GNL2: variants seen among roughly 807,000 people sequenced by gnomAD.
GNL2 encodes G protein nucleolar 2.
Under a neutral mutation model 92.3 loss-of-function variants are expected in GNL2, and 51 were observed. That is an observed-to-expected ratio of 0.55 (90% CI 0.44 to 0.70). The LOEUF is 0.70. Ranked by LOEUF, GNL2 falls within the 30% of genes least tolerant of loss-of-function variation. The probability of loss-of-function intolerance (pLI) is 0.00; values close to 1 mark genes in which losing one functional copy is unlikely to be tolerated. For synonymous variants in GNL2, 283 were observed against 300.6 expected (o/e 0.94, Z 0.61); for missense variants, 844 against 895.6 (o/e 0.94, Z 0.74).
At chr1:37,578,438 CAA>C (rs776937906) in intron 8 of GNL2, among the ~76,000 whole-genome samples, 146 of 100,872 alleles carry the variant, frequency 1.4e-3, no homozygotes, top group African/African-American at 4.5e-3. Flanking sequence ...GACTCTGTCT[CAA>C]AAAAAAAAAA....
intron 15 of GNL2, among the ~76,000 whole-genome samples, chr1:37,567,371 G>C (rs1643521216): frequency 6.6e-6 from 1 of 152,196 alleles, no homozygotes; most frequent in Admixed American, 6.5e-5. Flanking sequence ...CTTCACAGAA[G>C]TCAGTGATCT....
chr1:37,575,662 A>G lies in GNL2; in HGVS notation c.1076T>C (p.Leu359Pro), dbSNP rs1215786076. 1 of 1,603,152 alleles carries G rather than the reference A, an allele frequency of 6.2e-7. No individual in the cohort carries two copies. Among genetic ancestry groups the G allele is most frequent in the Non-Finnish European group, 8.5e-7 (1 of 1,176,514 alleles). The stretch of plus-strand genomic sequence containing the variant: ...GTAAACCACACCTGGACAGTCAATC[A>G]GGAATATCCGACGCATCAAAGTAAT... ...QYITLMRRIF[L>P]IDCPGVVYPS... is the part of the protein sequence containing the mutation. Residue 359 changes from leucine to proline, a missense_variant, in exon 10 of 16, where the codon CTG becomes CCG. Transcript: ENST00000373062. This position sits in a 1 kb window ranked among gnomAD's most constrained non-coding sequence, Gnocchi z 4.1.
chr1:37,569,441 T>G, intron 12 of GNL2, 139 bp from the exon 13 acceptor site: 8 of 615,086 alleles, frequency 1.3e-5, no homozygotes, highest in Middle Eastern at 4.0e-4. Flanking sequence ...TTGAGTCATT[T>G]CATTAATGTA....
chr1:37,568,811 G>A, intron 13 of GNL2, 40 bp downstream of exon 13: 1 of 1,496,778 alleles, frequency 6.7e-7, no homozygotes, highest in African/African-American at 1.4e-5. Context: ...TTTGGGAAAG[G>A]AATGAAAATC....
rs1256372626 is a variant in GNL2, at chr1:37,582,823, G to T, written c.750C>A (p.Leu250=). The T allele has an allele frequency of 3.1e-6, 5 of 1,613,662 alleles. No homozygotes were observed. The highest frequency in any genetic ancestry group is 3.4e-6 in the Non-Finnish European group (4 of 1,179,812). Residue 250 remains leucine, a synonymous_variant, in exon 7 of 16, where the codon CTC becomes CTA. Coordinates refer to ENST00000373062, the MANE Select transcript of GNL2 (RefSeq NM_013285.3). ...GGTCACATTTGTTAAGTACAAAAAT[G>T]AGGTGTTTCCAAGGTTTTTCCTTCT... is the stretch of plus-strand genomic sequence containing the variant. ...YLKKEKPWKH[L]IFVLNKCDLV...
chr1:37,587,599 G>T, intron 4 of GNL2, 104 bp from the exon 5 acceptor site: 1 of 706,750 alleles, frequency 1.4e-6, no homozygotes, highest in Non-Finnish European at 2.3e-6. Flanking sequence ...ATTTTTCCAA[G>T]GTTCAACCCA....
chr1:37,567,572 G>T, intron 15 of GNL2, 101 bp downstream of exon 15: 1 of 834,180 alleles, frequency 1.2e-6, no homozygotes. Context: ...CGAGGACTGG[G>T]GTTCTTGGGA....
chr1:37,589,606 G>T (rs150076238), intron 4 of GNL2, among the ~76,000 whole-genome samples: 2 of 152,232 alleles, frequency 1.3e-5, no homozygotes, highest in East Asian at 1.9e-4. Flanking sequence ...CGCCCAGCCT[G>T]AACTATTTAA....
chr1:37,593,586 G>C (rs1037028689), intron 2 of GNL2, 176 bp downstream of exon 2: 2 of 537,970 alleles, frequency 3.7e-6, no homozygotes, highest in Non-Finnish European at 6.6e-6. Flanking sequence ...AGCTACCCAT[G>C]TCCTTAACCA....
intron 3 of GNL2, among the ~76,000 whole-genome samples, chr1:37,592,193 T>C (rs1267189951): frequency 1.3e-5 from 2 of 152,146 alleles, no homozygotes; most frequent in African/African-American, 2.4e-5. Flanking sequence ...CAGACTGAAA[T>C]GAGACAGGGA....
Position 37,576,543 on chromosome 1 carries a change from T to C in GNL2, c.923A>G (p.Lys308Arg), listed in dbSNP as rs922937926. 6.2e-7 allele frequency: 1 copy of C among 1,613,980 alleles called. No homozygotes were observed. Among genetic ancestry groups the C allele is most frequent in the Non-Finnish European group, 8.5e-7 (1 of 1,179,832 alleles). Reference sequence around the variant, plus strand: ...AATGAACCCAACACTGATCTGTTTCTTGTCAGTGTGCAACTGTTCAAAGAG... The same window carrying C: ...AATGAACCCAACACTGATCTGTTTCCTGTCAGTGTGCAACTGTTCAAAGAG... ...LRQFGKLHTD[K>R]KQISVGFIGY... The change falls in exon 9 of 16, where the codon AAG (lysine) becomes AGG (arginine). Residue 308 changes from lysine (K) to arginine (R), a missense_variant. Lys to Arg is a conservative substitution (Grantham distance 26, BLOSUM62 2). Coordinates refer to ENST00000373062, the MANE Select transcript of GNL2 (RefSeq NM_013285.3).
intron 1 of GNL2, among the ~76,000 whole-genome samples, chr1:37,595,221 T>C (rs553877581): frequency 1.3e-5 from 2 of 152,384 alleles, no homozygotes; most frequent in African/African-American, 4.8e-5. Flanking sequence ...GTCTTGTTAA[T>C]CGTACAGGTG....
chr1:37,582,347 A>G lies in GNL2; in HGVS notation c.796-11T>C, dbSNP rs547971875. 1 of 1,560,548 alleles carries G rather than the reference A, an allele frequency of 6.4e-7. No individual in the cohort carries two copies. The highest frequency in any genetic ancestry group is 1.1e-5 in the South Asian group (1 of 87,538). On this transcript the variant is annotated splice_polypyrimidine_tract_variant and intron_variant, in intron 7 of 15. Transcript: ENST00000373062. Reference sequence around the variant, plus strand: ...AGCAACCCACCGTTTCTAGAAGGAGAGATGAAAACATTTTGGTAAACTGCA... The same window carrying G: ...AGCAACCCACCGTTTCTAGAAGGAGGGATGAAAACATTTTGGTAAACTGCA...
rs569432971 is a variant in GNL2, at chr1:37,589,094, A to C, written c.385-1599T>G. On this transcript the variant is annotated intron_variant, in intron 4 of 15. Coordinates refer to ENST00000373062, the MANE Select transcript of GNL2 (RefSeq NM_013285.3). ...TGCTTAAAAGATGGCTTTAGGGAGAACAGACAAAGAGAACAAGGGAAATGA... is the reference window on the plus strand; with the variant it reads ...TGCTTAAAAGATGGCTTTAGGGAGACCAGACAAAGAGAACAAGGGAAATGA... Among the ~76,000 whole-genome samples, 43 of 152,342 alleles carry C rather than the reference A, an allele frequency of 2.8e-4. 1 individual carries two copies. Among genetic ancestry groups the C allele is most frequent in the African/African-American group, 1.0e-3 (43 of 41,566 alleles).
At chr1:37,583,665 T>C (rs553063828) in intron 6 of GNL2, among the ~76,000 whole-genome samples, 4 of 152,356 alleles carry the variant, frequency 2.6e-5, no homozygotes, top group African/African-American at 9.6e-5. Context: ...CTGTTACTCT[T>C]ATACAAGTAC....
rs75028185 is a variant in GNL2, at chr1:37,580,848, C to G, written c.909+1375G>C. On this transcript the variant is annotated intron_variant, in intron 8 of 15. Transcript: ENST00000373062. ...GATCAGAAAGGAATTATACTCATAGCACACCATGTGGATCAGCTGTGACTA... is the reference window on the plus strand; with the variant it reads ...GATCAGAAAGGAATTATACTCATAGGACACCATGTGGATCAGCTGTGACTA... Among the ~76,000 whole-genome samples the G allele has an allele frequency of 7.9e-3, 1,202 of 152,302 alleles. 14 individuals carry two copies. The highest frequency in any genetic ancestry group is 0.028 in the African/African-American group (1,143 of 41,556).
At chr1:37,572,783 G>A (rs538552383) in intron 12 of GNL2, among the ~76,000 whole-genome samples, 12 of 152,298 alleles carry the variant, frequency 7.9e-5, no homozygotes, top group South Asian at 2.1e-4. Flanking sequence ...GTAGTTAGCC[G>A]GGCGTAAGTG....
rs780788173 is a variant in GNL2, at chr1:37,566,954, A to G, written c.2097T>C (p.Tyr699=). The G allele has an allele frequency of 6.2e-7, 1 of 1,613,814 alleles. No individual in the cohort carries two copies. Residue 699 remains tyrosine, a synonymous_variant, in exon 16 of 16, where the codon TAT becomes TAC. Transcript: ENST00000373062. Reference sequence around the variant, plus strand: ...TCCTATTTTTCACGTTGTGTGTTTCATAGTAGCGCACACCAACTTTTTTCG... The same window carrying G: ...TCCTATTTTTCACGTTGTGTGTTTCGTAGTAGCGCACACCAACTTTTTTCG... The part of the protein sequence containing the change: ...QRPKKVGVRY[Y]ETHNVKNRNR...
chr1:37,587,714 T>C (rs1459968369), intron 4 of GNL2, among the ~76,000 whole-genome samples: 1 of 152,230 alleles, frequency 6.6e-6, no homozygotes, highest in East Asian at 1.9e-4. Flanking sequence ...GTAAGCTTCC[T>C]TGGAGAAATA....
Sources: allele counts gnomAD v4.1 joint callset (sites outside exome capture counted in the v4.1 genomes callset), GRCh38; gene constraint gnomAD v4.1.1; non-coding constraint Gnocchi (gnomAD v3.1); transcripts MANE v1.5; gene names NCBI Gene and HGNC (gene_info 2026-07-23, HGNC 2026-07-21).